FRMD3: variants seen among roughly 807,000 people sequenced by gnomAD.
FRMD3 encodes the protein FERM domain containing 3.
A neutral mutation model predicts 70.2 loss-of-function variants in FRMD3; 33 were observed. The observed-to-expected ratio is 0.47, with a 90% confidence interval of 0.36 to 0.63. The LOEUF (loss-of-function observed/expected upper bound fraction) is 0.63, where lower values mean the gene tolerates loss of function less well. Ranked by LOEUF, FRMD3 falls within the 20% of genes least tolerant of loss-of-function variation. The pLI is 0.00. For missense variants in FRMD3, 632 were observed against 711.4 expected, an observed-to-expected ratio of 0.89 and a Z score of 1.27; for synonymous variants, 279 against 255.9, an observed-to-expected ratio of 1.09 and a Z score of -0.86.
chr9:83,390,865 T>C (rs948483676), intron 1 of FRMD3, among the ~76,000 whole-genome samples: 25 of 152,202 alleles, frequency 1.6e-4, no homozygotes, highest in African/African-American at 6.0e-4. Context: ...GAAAGATCAG[T>C]TTGGTCTATG....
At chr9:83,551,331 G>A in the FRMD3 span, among the ~76,000 whole-genome samples, 4 of 152,184 alleles carry the variant, frequency 2.6e-5, no homozygotes, top group Non-Finnish European at 5.9e-5. Flanking sequence ...AAGCCTACTT[G>A]ATCATGGTGG....
chr9:83,488,972 TTGTGTGTG>T (rs4014025), intron 1 of FRMD3, among the ~76,000 whole-genome samples: 60 of 135,638 alleles, frequency 4.4e-4, no homozygotes, highest in Non-Finnish European at 6.2e-4. Context: ...CCCTATACCT[TTGTGTGTG>T]TGTGTGTGTG....
intron 1 of FRMD3, among the ~76,000 whole-genome samples, chr9:83,396,376 A>G (rs1368651894): frequency 6.6e-6 from 1 of 152,252 alleles, no homozygotes; most frequent in Non-Finnish European, 1.5e-5. Context: ...TAGCAACCAT[A>G]CATCCCTTTA....
chr9:83,515,083 C>A (rs986908843), intron 1 of FRMD3, among the ~76,000 whole-genome samples: 14 of 152,136 alleles, frequency 9.2e-5, no homozygotes, highest in Non-Finnish European at 2.9e-5. Flanking sequence ...CAACTCCTCA[C>A]CAGCAAGAGC....
intron 10 of FRMD3, among the ~76,000 whole-genome samples, chr9:83,301,146 G>C (rs182964819): frequency 0.016 from 2,392 of 150,750 alleles, 56 homozygotes; most frequent in African/African-American, 0.055. Context: ...CATGGCCCTG[G>C]GGGGGGCCCT....
In FRMD3 at chr9:83,538,342, C is replaced by G; in HGVS notation, c.-111G>C. 1.9e-6 allele frequency: 2 copies of G among 1,038,336 alleles called. No individual in the cohort carries two copies. The highest frequency in any genetic ancestry group is 2.5e-6 in the Non-Finnish European group (2 of 807,230). The allele number at this position is 1,038,336 out of a possible 1,614,324, so 64.3% of individuals were successfully genotyped here. ...CGGGACACCTGGGCGCGGCTCAGCCCCGGGACATCGGCAGCGTCGGGCGCC... is the reference window on the plus strand; with the variant it reads ...CGGGACACCTGGGCGCGGCTCAGCCGCGGGACATCGGCAGCGTCGGGCGCC... On this transcript the variant is annotated 5_prime_UTR_variant, in exon 1 of 14. Transcript: ENST00000304195. This position sits in a 1 kb window ranked among gnomAD's most constrained non-coding sequence, Gnocchi z 4.7.
In FRMD3 at chr9:83,408,045, G is replaced by A. The variant is rs143332580; in HGVS notation, c.148-18337C>T. ...ATCAGCAGCCAGCCTCCTGCAAGATGAGCATTCCCAAAGGGTCCAGGCAGA... is the reference window on the plus strand; with the variant it reads ...ATCAGCAGCCAGCCTCCTGCAAGATAAGCATTCCCAAAGGGTCCAGGCAGA... On this transcript the variant is annotated intron_variant, in intron 1 of 13. Coordinates refer to ENST00000304195, the MANE Select transcript of FRMD3 (RefSeq NM_174938.6). Among the ~76,000 whole-genome samples the A allele has an allele frequency of 6.0e-3, 917 of 151,728 alleles. 7 individuals carry two copies. The highest frequency in any genetic ancestry group is 0.02 in the African/African-American group (823 of 41,440).
intron 2 of FRMD3, 61 bp downstream of exon 2, chr9:83,389,543 A>G: frequency 9.3e-7 from 1 of 1,073,002 alleles, no homozygotes; most frequent in East Asian, 2.4e-5. Flanking sequence ...AGGAACCCCC[A>G]CAGTGCACCA....
chr9:83,331,506 G>A (rs948906415), intron 6 of FRMD3, among the ~76,000 whole-genome samples: 4 of 152,124 alleles, frequency 2.6e-5, no homozygotes, highest in African/African-American at 4.8e-5. Flanking sequence ...AATGGTATTG[G>A]TATTGCAATG....
intron 13 of FRMD3, among the ~76,000 whole-genome samples, chr9:83,275,400 C>T (rs796953660): frequency 1.1e-4 from 17 of 152,298 alleles, no homozygotes; most frequent in African/African-American, 4.1e-4. Flanking sequence ...TGATCCCCAG[C>T]CTAGGCAGCA....
At chr9:83,340,043 TA>T (rs1338872948) in intron 5 of FRMD3, among the ~76,000 whole-genome samples, 2 of 152,112 alleles carry the variant, frequency 1.3e-5, no homozygotes, top group African/African-American at 2.4e-5. Context: ...CTGAGTTTAT[TA>T]AAAACAGTCA....
At position 83,397,652 on chromosome 9, in the gene FRMD3, G is replaced by T. The variant is rs535985856; in HGVS notation, c.148-7944C>A. On this transcript the variant is annotated intron_variant, in intron 1 of 13. Transcript: ENST00000304195. ...GATAAACAGAAGTGGGAGCTGTGAG[G>T]CCTCATTTCCTAATTATGAGGGTTG... Among the ~76,000 whole-genome samples, 11 of 152,226 alleles carry T rather than the reference G, an allele frequency of 7.2e-5. No homozygotes were observed. In the East Asian group the frequency reaches 1.4e-3, roughly 19 times the overall value.
intron 13 of FRMD3, among the ~76,000 whole-genome samples, chr9:83,252,863 C>A (rs1832495042): frequency 6.6e-6 from 1 of 152,114 alleles, no homozygotes; most frequent in Non-Finnish European, 1.5e-5. Context: ...ATTCATAAAG[C>A]AAGTGCTTTA....
intron 1 of FRMD3, among the ~76,000 whole-genome samples, chr9:83,503,598 C>G (rs1046746738): frequency 6.6e-6 from 1 of 152,230 alleles, no homozygotes; most frequent in Non-Finnish European, 1.5e-5. Flanking sequence ...TGCCCAGAAT[C>G]CTGGTCTAGA....
chr9:83,547,043 C>T, the FRMD3 span, among the ~76,000 whole-genome samples: 3 of 151,442 alleles, frequency 2.0e-5, no homozygotes, highest in African/African-American at 4.8e-5. Flanking sequence ...AAATGGAAAT[C>T]AAAAGCAGAC....
intron 6 of FRMD3, among the ~76,000 whole-genome samples, chr9:83,324,460 C>T (rs1001962326): frequency 1.3e-5 from 2 of 152,030 alleles, no homozygotes; most frequent in African/African-American, 4.8e-5. Flanking sequence ...TTCTTTAAAT[C>T]CCACACATAT....
intron 1 of FRMD3, among the ~76,000 whole-genome samples, chr9:83,477,058 A>G (rs1310128170): frequency 2.6e-5 from 4 of 152,176 alleles, no homozygotes; most frequent in African/African-American, 9.6e-5. Flanking sequence ...AGTAAAATCA[A>G]CTCAATGGTT....
At chr9:83,567,170 C>G in the FRMD3 span, among the ~76,000 whole-genome samples, 5 of 152,332 alleles carry the variant, frequency 3.3e-5, no homozygotes, top group African/African-American at 7.2e-5. Flanking sequence ...GGCTCAACAC[C>G]ACGTGGAAGC....
At position 83,353,920 on chromosome 9, in the gene FRMD3, A is replaced by G. The variant is rs188302460; in HGVS notation, c.296-4163T>C. ...TGTTAGCAGCTGTGAACAGACAAAA[A>G]TTTTGTCTTTTTTTTTTCTTGAGAC... On this transcript the variant is annotated intron_variant, in intron 3 of 13. Coordinates refer to ENST00000304195, the MANE Select transcript of FRMD3 (RefSeq NM_174938.6). 1.7e-3 allele frequency among the ~76,000 whole-genome samples: 262 copies of G among 150,030 alleles called. 1 individual carries two copies. Among genetic ancestry groups the G allele is most frequent in the African/African-American group, 6.2e-3 (251 of 40,420 alleles).
Sources: gnomAD v4.1 joint callset for allele counts (sites outside exome capture counted in the v4.1 genomes callset) on GRCh38, gnomAD v4.1.1 for gene constraint, Gnocchi (gnomAD v3.1) non-coding constraint, MANE v1.5 for transcripts, NCBI Gene and HGNC (gene_info 2026-07-23, HGNC 2026-07-21) for gene names.